Variants in FOXN3 observed in about 807,000 individuals in gnomAD.
FOXN3 encodes the protein forkhead box N3.
FOXN3 carries 7 observed loss-of-function variants against 38.4 expected under a neutral mutation model. The observed-to-expected ratio is 0.18, with a 90% confidence interval of 0.10 to 0.34. The LOEUF (loss-of-function observed/expected upper bound fraction) is 0.34. Among genes scored for constraint, FOXN3 ranks in the 10% least tolerant of loss-of-function variants. The pLI, the probability that FOXN3 is intolerant of heterozygous loss-of-function variation, is 1.00. For synonymous variants in FOXN3, 230 were observed against 242.2 expected (o/e 0.95, Z 0.47); for missense variants, 456 against 613.4 (o/e 0.74, Z 2.71).
At position 89,511,141 on chromosome 14, in the gene FOXN3, TTTTCTTTCTTTCTTTCTTTCTTTCTTTC is replaced by T. The variant is rs1251992345; in HGVS notation, c.-14-98679_-14-98652del. ...CTTGGTGTCTTTCTTTCTTTCTTTCTTTTCTTTCTTTCTTTCTTTCTTTCTTTCTTTCTTTCTTTCTTTCTTTCTTTTC... is the reference window on the plus strand; with the variant it reads ...CTTGGTGTCTTTCTTTCTTTCTTTCTTTTCTTTCTTTCTTTCTTTCTTTTC... On this transcript the variant is annotated intron_variant, in intron 1 of 6. Transcript: ENST00000345097. 9.5e-5 allele frequency among the ~76,000 whole-genome samples: 2 copies of T among 20,996 alleles called. 1 individual carries two copies. 13.8% of individuals were successfully genotyped at this position (20,996 alleles called of 152,430 possible).
intron 1 of FOXN3, among the ~76,000 whole-genome samples, chr14:89,596,412 C>T (rs961710048): frequency 2.0e-5 from 3 of 152,208 alleles, no homozygotes; most frequent in African/African-American, 4.8e-5. Context: ...GCTGGGATTA[C>T]AGGCGTGAGA....
At chr14:89,543,997 C>T (rs1894838680) in intron 1 of FOXN3, among the ~76,000 whole-genome samples, 1 of 152,098 alleles carries the variant, frequency 6.6e-6, no homozygotes, top group Admixed American at 6.5e-5. Flanking sequence ...TCAAATGCAT[C>T]TTTATGCCTG....
chr14:89,350,053 A>T (rs1038010405), intron 3 of FOXN3, among the ~76,000 whole-genome samples: 11 of 152,202 alleles, frequency 7.2e-5, no homozygotes, highest in South Asian at 2.1e-4. Context: ...GACACTTTTT[A>T]AAAAAGTGAC....
intron 2 of FOXN3, among the ~76,000 whole-genome samples, chr14:89,411,680 T>C (rs1029639175): frequency 1.3e-5 from 2 of 152,222 alleles, no homozygotes; most frequent in African/African-American, 4.8e-5. Flanking sequence ...ATCAATTCTG[T>C]AAACCACTGT....
At chr14:89,497,568 G>C (rs1428825072) in intron 1 of FOXN3, among the ~76,000 whole-genome samples, 1 of 151,558 alleles carries the variant, frequency 6.6e-6, no homozygotes, top group Non-Finnish European at 1.5e-5. Context: ...CACCATGCCC[G>C]GCTAATTTTG....
At chr14:89,168,313 A>G (rs1887294718) in intron 5 of FOXN3, among the ~76,000 whole-genome samples, 1 of 152,202 alleles carries the variant, frequency 6.6e-6, no homozygotes, top group African/African-American at 2.4e-5. Flanking sequence ...CAGAACTTCT[A>G]GAGATAAAAC....
intron 1 of FOXN3, among the ~76,000 whole-genome samples, chr14:89,535,790 C>T (rs1419427243): frequency 1.3e-5 from 2 of 152,156 alleles, no homozygotes; most frequent in African/African-American, 4.8e-5. Flanking sequence ...TACAATTTCA[C>T]TTTTTACCTC....
At chr14:89,352,991 A>T (rs1236583676) in intron 2 of FOXN3, among the ~76,000 whole-genome samples, 1 of 152,220 alleles carries the variant, frequency 6.6e-6, no homozygotes, top group African/African-American at 2.4e-5. Flanking sequence ...ACGCCATCTC[A>T]AAACAAATAA....
At chr14:89,402,435 C>A (rs1351707245) in intron 2 of FOXN3, among the ~76,000 whole-genome samples, 1 of 152,206 alleles carries the variant, frequency 6.6e-6, no homozygotes, top group Non-Finnish European at 1.5e-5. Flanking sequence ...TAACATTTGC[C>A]TCCTAAACAT....
intron 1 of FOXN3, among the ~76,000 whole-genome samples, chr14:89,569,209 A>T (rs544831198): frequency 0.011 from 1,696 of 152,138 alleles, 21 homozygotes; most frequent in Non-Finnish European, 0.017. Flanking sequence ...CGTCTCAAAG[A>T]AAAAGAAAGG....
At chr14:89,516,191 A>G (rs1894197866) in intron 1 of FOXN3, among the ~76,000 whole-genome samples, 1 of 152,208 alleles carries the variant, frequency 6.6e-6, no homozygotes, top group Non-Finnish European at 1.5e-5. Context: ...CGCAGATACT[A>G]TATGTGCAGA....
rs1402638636 is a variant in FOXN3 at position 89,260,077 on chromosome 14, T to C, written c.745+20873A>G. On this transcript the variant is annotated intron_variant, in intron 4 of 5. Coordinates refer to ENST00000557258, the MANE Select transcript of FOXN3 (RefSeq NM_005197.4). ...GCAGCCTCGTGTCGGGCAGTGTGAATGGATCATTTAGAACACCTGAAAAGT... is the reference window on the plus strand; with the variant it reads ...GCAGCCTCGTGTCGGGCAGTGTGAACGGATCATTTAGAACACCTGAAAAGT... 2.6e-5 allele frequency among the ~76,000 whole-genome samples: 4 copies of C among 152,232 alleles called. No individual in the cohort carries two copies. The East Asian group carries it at 7.7e-4, about 29-fold the overall frequency.
intron 4 of FOXN3, among the ~76,000 whole-genome samples, chr14:89,272,373 C>G (rs1398216883): frequency 2.0e-5 from 3 of 151,640 alleles, no homozygotes; most frequent in Non-Finnish European, 2.9e-5. Context: ...GAACTGTACA[C>G]TGTAAAATCA....
At chr14:89,181,057 T>G (rs1190732780) in intron 4 of FOXN3, among the ~76,000 whole-genome samples, 1 of 148,076 alleles carries the variant, frequency 6.8e-6, no homozygotes, top group South Asian at 2.1e-4. Context: ...CACCTGCACA[T>G]ACAGACATGC....
At chr14:89,584,411 TAATA>T (rs1319220895) in intron 1 of FOXN3, among the ~76,000 whole-genome samples, 2 of 151,940 alleles carry the variant, frequency 1.3e-5, no homozygotes, top group African/African-American at 4.8e-5. Context: ...GATAAATAAA[TAATA>T]AATAAATAAC....
intron 4 of FOXN3, among the ~76,000 whole-genome samples, chr14:89,268,016 T>C (rs1279863838): frequency 1.3e-5 from 2 of 152,114 alleles, no homozygotes; most frequent in African/African-American, 4.8e-5. Context: ...TTCATAATAA[T>C]ACATACACAC....
intron 4 of FOXN3, among the ~76,000 whole-genome samples, chr14:89,217,998 C>T (rs1160617222): frequency 6.6e-6 from 1 of 152,212 alleles, no homozygotes; most frequent in Non-Finnish European, 1.5e-5. Context: ...GATTCAGCTG[C>T]TTGGAATACT....
At chr14:89,419,251 T>C (rs1355050521), upstream of FOXN3, 2 of 453,894 alleles carry the variant, frequency 4.4e-6, no homozygotes, top group East Asian at 1.4e-4. Context: ...CATGTCTGCC[T>C]GTCGGTCTAT....
intron 1 of FOXN3, among the ~76,000 whole-genome samples, chr14:89,416,557 C>T (rs989431739): frequency 6.6e-6 from 1 of 152,108 alleles, no homozygotes; most frequent in Non-Finnish European, 1.5e-5. Flanking sequence ...TTGATCGGAA[C>T]CCCCTCCCCG....
Sources: gnomAD v4.1 joint callset for allele counts (sites outside exome capture counted in the v4.1 genomes callset) on GRCh38, gnomAD v4.1.1 for gene constraint, MANE v1.5 for transcripts, NCBI Gene and HGNC (gene_info 2026-07-23, HGNC 2026-07-21) for gene names.